The following CSMD1 variants were observed in gnomAD, a reference collection of about 807,000 sequenced individuals.
The protein encoded by CSMD1 is CUB and sushi domain-containing protein 1.
CSMD1 carries 213 observed loss-of-function variants against 417.5 expected under a neutral mutation model. That is an observed-to-expected ratio of 0.51 (90% CI 0.46 to 0.57). The LOEUF (loss-of-function observed/expected upper bound fraction) is 0.57. CSMD1 is among the 20% of genes least tolerant of loss of function. The probability of loss-of-function intolerance (pLI) is 0.00; values close to 1 mark genes in which losing one functional copy is unlikely to be tolerated. For synonymous variants in CSMD1, 2,862 were observed against 1,736.8 expected, an observed-to-expected ratio of 1.65 and a Z score of -16.11; for missense variants, 6,923 against 4,529.7, an observed-to-expected ratio of 1.53 and a Z score of -15.17.
intron 10 of CSMD1, among the ~76,000 whole-genome samples, chr8:3,542,555 C>A (rs80032724): frequency 6.6e-6 from 1 of 152,058 alleles, no homozygotes; most frequent in Non-Finnish European, 1.5e-5. Context: ...GAACACGGAA[C>A]AGGGTTATAG....
chr8:4,190,602 G>T (rs756975313), intron 3 of CSMD1, among the ~76,000 whole-genome samples: 2 of 150,890 alleles, frequency 1.3e-5, no homozygotes, highest in Non-Finnish European at 2.9e-5. Flanking sequence ...ATAACGATGT[G>T]GAATGGAAGC....
chr8:3,635,922 G>A (rs1057382091), intron 7 of CSMD1, among the ~76,000 whole-genome samples: 11 of 151,216 alleles, frequency 7.3e-5, no homozygotes, highest in Admixed American at 3.3e-4. Context: ...CTTCCTGTAA[G>A]CTGACTTAGT....
At chr8:3,755,853 G>A (rs1395505770) in intron 5 of CSMD1, among the ~76,000 whole-genome samples, 1 of 151,998 alleles carries the variant, frequency 6.6e-6, no homozygotes, top group Non-Finnish European at 1.5e-5. Flanking sequence ...CTCTTTGCTT[G>A]GATTTATGTA....
chr8:4,467,086 A>G (rs1260656297), intron 2 of CSMD1, among the ~76,000 whole-genome samples: 2 of 151,086 alleles, frequency 1.3e-5, no homozygotes, highest in Non-Finnish European at 3.0e-5. Flanking sequence ...ATTTCTTTTC[A>G]AATTTCAACT....
chr8:4,811,553 T>C (rs981905701), intron 1 of CSMD1, among the ~76,000 whole-genome samples: 17 of 152,092 alleles, frequency 1.1e-4, no homozygotes, highest in African/African-American at 2.7e-4. Flanking sequence ...AATATTGACA[T>C]GGAAAAATAA....
chr8:2,989,346 TAAAAC>T (rs1221542475), intron 54 of CSMD1, among the ~76,000 whole-genome samples: 1 of 151,976 alleles, frequency 6.6e-6, no homozygotes, highest in Non-Finnish European at 1.5e-5. Flanking sequence ...AGTTCTGAAA[TAAAAC>T]AAAACAAAAC....
At chr8:4,357,471 C>T (rs574050033) in intron 3 of CSMD1, among the ~76,000 whole-genome samples, 4 of 152,258 alleles carry the variant, frequency 2.6e-5, no homozygotes, top group Admixed American at 6.5e-5. Flanking sequence ...CTCCTACCAT[C>T]GCCCTCACCA....
chr8:3,187,003 A>T (rs188629462), intron 36 of CSMD1, among the ~76,000 whole-genome samples: 2 of 152,150 alleles, frequency 1.3e-5, no homozygotes, highest in Non-Finnish European at 2.9e-5. Context: ...CAGCCTCCCA[A>T]TGTAATGCCG....
chr8:3,759,706 C>G (rs940148939), intron 5 of CSMD1, among the ~76,000 whole-genome samples: 2 of 128,698 alleles, frequency 1.6e-5, no homozygotes, highest in Non-Finnish European at 3.2e-5. Context: ...CCAGCCTGAG[C>G]AATATGGTGA....
chr8:3,352,855 CAAAG>C (rs1187301428), intron 21 of CSMD1, among the ~76,000 whole-genome samples: 2 of 151,920 alleles, frequency 1.3e-5, no homozygotes, highest in Non-Finnish European at 2.9e-5. Flanking sequence ...AACAAACAAA[CAAAG>C]AAACAAACAA....
intron 1 of CSMD1, among the ~76,000 whole-genome samples, chr8:4,817,215 A>G (rs531755255): frequency 1.3e-5 from 2 of 152,300 alleles, no homozygotes; most frequent in Non-Finnish European, 2.9e-5. Flanking sequence ...TATGTATATG[A>G]TTTTAACCTA....
chr8:3,402,259 CTTTTT>C (rs916057001), intron 15 of CSMD1, among the ~76,000 whole-genome samples: 2 of 151,940 alleles, frequency 1.3e-5, no homozygotes, highest in Admixed American at 6.6e-5. Flanking sequence ...AATCCTTAAT[CTTTTT>C]TTTCAATTCT....
At chr8:4,592,441 C>T (rs1250728619) in intron 2 of CSMD1, among the ~76,000 whole-genome samples, 3 of 151,986 alleles carry the variant, frequency 2.0e-5, no homozygotes, top group Admixed American at 1.3e-4. Flanking sequence ...GGCTGGAGTG[C>T]AGTGGCATGA....
intron 2 of CSMD1, among the ~76,000 whole-genome samples, chr8:4,450,501 G>C (rs572037571): frequency 1.3e-5 from 2 of 152,056 alleles, no homozygotes; most frequent in South Asian, 4.2e-4. Flanking sequence ...TGCGTGTGGT[G>C]GTGCGGGCCT....
chr8:3,087,999 G>A (rs930857572), intron 48 of CSMD1, among the ~76,000 whole-genome samples: 2 of 152,146 alleles, frequency 1.3e-5, no homozygotes, highest in African/African-American at 2.4e-5. Context: ...TGAAACTTCT[G>A]GACTGTACAA....
intron 5 of CSMD1, among the ~76,000 whole-genome samples, chr8:3,815,741 T>C (rs191426858): frequency 1.3e-5 from 2 of 152,028 alleles, no homozygotes; most frequent in East Asian, 1.9e-4. Context: ...CTCATGTACA[T>C]AACATGGAAA....
chr8:3,571,201 A>G (rs1799928719), intron 10 of CSMD1, among the ~76,000 whole-genome samples: 1 of 152,124 alleles, frequency 6.6e-6, no homozygotes, highest in Non-Finnish European at 1.5e-5. Flanking sequence ...CTTGGACTAT[A>G]TTCTGCTTTC....
At chr8:3,964,478 C>A (rs138560159) in intron 5 of CSMD1, among the ~76,000 whole-genome samples, 339 of 152,168 alleles carry the variant, frequency 2.2e-3, no homozygotes, top group African/African-American at 7.8e-3. Context: ...CTCATTTTGC[C>A]GCATTTGTAT....
rs1214951834 is a variant in CSMD1 at position 3,812,472 on chromosome 8, C to G, written c.819-58430G>C. ...GCTAGATTAAAATAAGACACGATCC[C>G]CTTGAAATGGTCCATGTTCTTTTCA... On this transcript the variant is annotated intron_variant, in intron 5 of 69. Transcript: ENST00000635120. 2.6e-5 allele frequency among the ~76,000 whole-genome samples: 4 copies of G among 152,228 alleles called. No homozygotes were observed. In the East Asian group the frequency reaches 5.8e-4, roughly 22 times the overall value.
Sources: gnomAD v4.1 joint callset for allele counts (sites outside exome capture counted in the v4.1 genomes callset) on GRCh38, gnomAD v4.1.1 for gene constraint, MANE v1.5 for transcripts, NCBI Gene and HGNC (gene_info 2026-07-23, HGNC 2026-07-21) for gene names.